Variants in ZNF827 observed in about 807,000 individuals in gnomAD.
ZNF827 encodes the protein zinc finger protein 827.
A neutral mutation model predicts 102.4 loss-of-function variants in ZNF827; 13 were observed. The observed-to-expected ratio is 0.13, with a 90% CI of 0.08 to 0.20. ZNF827 has a LOEUF of 0.20. Among genes scored for constraint, ZNF827 ranks in the 10% least tolerant of loss-of-function variants. The probability of loss-of-function intolerance (pLI) is 1.00; values close to 1 mark genes in which losing one functional copy is unlikely to be tolerated. For missense variants in ZNF827, 1,103 were observed against 1,344.4 expected, an observed-to-expected ratio of 0.82 and a Z score of 2.81; for synonymous variants, 523 against 536.2, an observed-to-expected ratio of 0.98 and a Z score of 0.34.
At chr4:145,790,242 T>G in intron 8 of ZNF827, among the ~76,000 whole-genome samples, 1 of 152,202 alleles carries the variant, frequency 6.6e-6, no homozygotes, top group East Asian at 1.9e-4. Context: ...ATTATCATTG[T>G]TTGGGCAGAT....
intron 7 of ZNF827, among the ~76,000 whole-genome samples, chr4:145,842,548 A>G (rs1038829194): frequency 6.6e-6 from 1 of 152,158 alleles, no homozygotes; most frequent in Non-Finnish European, 1.5e-5. Context: ...AACGATAAAC[A>G]ATTGTGAGGG....
chr4:145,921,777 A>C (rs2126965413), intron 1 of ZNF827, among the ~76,000 whole-genome samples: 1 of 152,266 alleles, frequency 6.6e-6, no homozygotes, highest in Non-Finnish European at 1.5e-5. Context: ...CAAGACTGGA[A>C]ATCTTAGTCA....
chr4:145,766,470 C>G (rs1469218742), intron 11 of ZNF827, among the ~76,000 whole-genome samples: 2 of 152,208 alleles, frequency 1.3e-5, no homozygotes, highest in Non-Finnish European at 2.9e-5. Flanking sequence ...AGCCATATGA[C>G]TGATCAGTTT....
At chr4:145,871,208 T>C (rs1748654238) in intron 4 of ZNF827, among the ~76,000 whole-genome samples, 2 of 152,172 alleles carry the variant, frequency 1.3e-5, no homozygotes. Flanking sequence ...CACCCAGAAT[T>C]CCCTAATGTT....
intron 8 of ZNF827, among the ~76,000 whole-genome samples, chr4:145,789,011 C>T (rs1739286395): frequency 6.6e-6 from 1 of 152,200 alleles, no homozygotes; most frequent in Non-Finnish European, 1.5e-5. Flanking sequence ...AGAGGCTGGT[C>T]ATGAAACATA....
intron 5 of ZNF827, among the ~76,000 whole-genome samples, chr4:145,864,402 T>G (rs1747992105): frequency 8.9e-6 from 1 of 112,592 alleles, no homozygotes; most frequent in African/African-American, 3.5e-5. Context: ...CTGGGCAACA[T>G]AGCAGACCTT....
At chr4:145,933,455 A>C (rs1753954056) in intron 1 of ZNF827, among the ~76,000 whole-genome samples, 1 of 152,222 alleles carries the variant, frequency 6.6e-6, no homozygotes, top group South Asian at 2.1e-4. Flanking sequence ...TTTCTCTTTC[A>C]TTAGACATAA....
chr4:145,774,390 C>T, intron 11 of ZNF827, 116 bp downstream of exon 11: 1 of 1,189,510 alleles, frequency 8.4e-7, no homozygotes, highest in Non-Finnish European at 1.2e-6. Context: ...TCCTTCCTTC[C>T]ATGGAAGGAA....
At chr4:145,920,447 C>A (rs1235223655) in intron 1 of ZNF827, among the ~76,000 whole-genome samples, 6 of 152,154 alleles carry the variant, frequency 3.9e-5, no homozygotes, top group Non-Finnish European at 7.4e-5. Context: ...CGGTGGTATC[C>A]CCTGCAGCAT....
intron 3 of ZNF827, among the ~76,000 whole-genome samples, chr4:145,891,678 G>A (rs1375233382): frequency 6.6e-6 from 1 of 152,194 alleles, no homozygotes; most frequent in Non-Finnish European, 1.5e-5. Flanking sequence ...CTACAGTCTT[G>A]TTAGAAAGGG....
intron 8 of ZNF827, among the ~76,000 whole-genome samples, chr4:145,781,051 C>T (rs1422796395): frequency 1.3e-5 from 2 of 151,848 alleles, no homozygotes; most frequent in South Asian, 4.2e-4. Flanking sequence ...AAAAATTTAG[C>T]CGGGCGTGGT....
chr4:145,766,747 G>C (rs1038654450), intron 11 of ZNF827, among the ~76,000 whole-genome samples: 8 of 152,182 alleles, frequency 5.3e-5, no homozygotes, highest in African/African-American at 1.9e-4. Flanking sequence ...TTAGAGAACA[G>C]TGCCCGGCAC....
intron 7 of ZNF827, among the ~76,000 whole-genome samples, chr4:145,840,761 T>C (rs1363927626): frequency 1.3e-5 from 2 of 152,260 alleles, no homozygotes; most frequent in Non-Finnish European, 2.9e-5. Flanking sequence ...ATCATGCTTT[T>C]ACAAATTTGT....
chr4:145,882,859 G>A (rs1272572587), intron 4 of ZNF827, among the ~76,000 whole-genome samples: 4 of 152,146 alleles, frequency 2.6e-5, no homozygotes, highest in African/African-American at 7.2e-5. Flanking sequence ...CAATGGCGCC[G>A]TTATAACGCC....
intron 1 of ZNF827, among the ~76,000 whole-genome samples, chr4:145,936,146 C>T (rs1754149168): frequency 6.6e-6 from 1 of 152,074 alleles, no homozygotes; most frequent in Non-Finnish European, 1.5e-5. Context: ...CTCCCCTGAC[C>T]CCCTCAGGAT....
intron 8 of ZNF827, among the ~76,000 whole-genome samples, chr4:145,799,501 A>G (rs114122634): frequency 1.6e-3 from 251 of 152,328 alleles, no homozygotes; most frequent in Admixed American, 3.5e-3. Context: ...TGTGAACTCT[A>G]TCCTGACCAA....
chr4:145,933,605 C>T (rs1200701616), intron 1 of ZNF827, among the ~76,000 whole-genome samples: 3 of 152,168 alleles, frequency 2.0e-5, no homozygotes, highest in Non-Finnish European at 1.5e-5. Flanking sequence ...TCTTGACCCA[C>T]AACTGAGTAA....
At position 145,761,130 on chromosome 4, in the gene ZNF827, C is replaced by T. The variant is rs578232353; in HGVS notation, c.*486G>A. 15 of 1,289,616 alleles carry T rather than the reference C, an allele frequency of 1.2e-5. No individual in the cohort carries two copies. The highest frequency in any genetic ancestry group is 1.5e-5 in the African/African-American group (1 of 65,992). The allele number at this position is 1,289,616 out of a possible 1,614,324, so 79.9% of individuals were successfully genotyped here. ...TCCCGACCACCAGGAGCGGGGCCCC[C>T]GGGCCGGCCGGTTCCTTGGGGGCTG... is the stretch of plus-strand genomic sequence containing the variant. On this transcript the variant is annotated 3_prime_UTR_variant, in exon 15 of 15. Coordinates refer to ENST00000508784, the MANE Select transcript of ZNF827 (RefSeq NM_001306215.2). The surrounding 1 kb of genome is among the most constrained non-coding windows in gnomAD (Gnocchi z 6.8).
chr4:145,909,038 T>C (rs1054014669), intron 1 of ZNF827, among the ~76,000 whole-genome samples: 3 of 152,220 alleles, frequency 2.0e-5, no homozygotes, highest in South Asian at 2.1e-4. Flanking sequence ...ATTCAAGTGA[T>C]ATATGTTGGA....
Sources: allele counts gnomAD v4.1 joint callset (sites outside exome capture counted in the v4.1 genomes callset), GRCh38; gene constraint gnomAD v4.1.1; non-coding constraint Gnocchi (gnomAD v3.1); transcripts MANE v1.5; gene names NCBI Gene and HGNC (gene_info 2026-07-23, HGNC 2026-07-21).